Variants in ARL15 observed in about 807,000 individuals in gnomAD.
ARL15 encodes the protein ARF like GTPase 15, also known as ADP-ribosylation factor-like protein 15.
A neutral mutation model predicts 25.2 loss-of-function variants in ARL15; 19 were observed. That is an observed-to-expected ratio of 0.75 (90% CI 0.53 to 1.10). ARL15 has a LOEUF of 1.10. ARL15 is among the 50% of genes least tolerant of loss of function. The pLI is 0.00. For missense variants in ARL15, 220 were observed against 246.0 expected (o/e 0.89, Z 0.71); for synonymous variants, 94 against 86.8 (o/e 1.08, Z -0.46).
chr5:54,272,821 T>C (rs184557421), intron 1 of ARL15, among the ~76,000 whole-genome samples: 2 of 152,338 alleles, frequency 1.3e-5, no homozygotes, highest in East Asian at 3.9e-4. Context: ...AGAACTTATT[T>C]TCCACTTGTG....
intron 4 of ARL15, among the ~76,000 whole-genome samples, chr5:54,015,705 T>G (rs1201603004): frequency 1.3e-5 from 2 of 152,162 alleles, no homozygotes; most frequent in African/African-American, 4.8e-5. Context: ...TTAGAAAACA[T>G]AGCTTGAGGT....
chr5:53,984,631 T>C (rs189827171), intron 4 of ARL15, among the ~76,000 whole-genome samples: 83 of 152,302 alleles, frequency 5.4e-4, no homozygotes, highest in Non-Finnish European at 9.4e-4. Flanking sequence ...GGTCAATGTA[T>C]TACCTGGTAA....
intron 4 of ARL15, among the ~76,000 whole-genome samples, chr5:54,072,719 G>A (rs1040391856): frequency 2.6e-5 from 4 of 152,048 alleles, no homozygotes; most frequent in Non-Finnish European, 4.4e-5. Context: ...TACTGCATTA[G>A]GGAAAAAATG....
intron 4 of ARL15, among the ~76,000 whole-genome samples, chr5:53,932,620 T>C (rs189726627): frequency 4.1e-4 from 63 of 152,106 alleles, no homozygotes; most frequent in African/African-American, 1.4e-3. Context: ...TGATCAAGAG[T>C]ACTGGGTGAA....
intron 1 of ARL15, among the ~76,000 whole-genome samples, chr5:54,237,564 AT>A (rs34452299): frequency 0.094 from 14,340 of 152,244 alleles, 1,073 homozygotes; most frequent in African/African-American, 0.2. Flanking sequence ...AAGCAGTAGC[AT>A]TTTATGTAAA....
intron 4 of ARL15, among the ~76,000 whole-genome samples, chr5:54,066,454 C>T (rs1482341782): frequency 6.6e-6 from 1 of 152,146 alleles, no homozygotes; most frequent in African/African-American, 2.4e-5. Context: ...AATCAGAATA[C>T]AACACTATCC....
chr5:54,050,664 A>T (rs1222530285), intron 4 of ARL15, among the ~76,000 whole-genome samples: 1 of 152,180 alleles, frequency 6.6e-6, no homozygotes, highest in Non-Finnish European at 1.5e-5. Context: ...AGGCTTTATA[A>T]ACCAATATTT....
Position 53,885,217 on chromosome 5 carries a change from T to TA in ARL15, c.*1343_*1344insT, listed in dbSNP as rs1382359203. 6.6e-6 allele frequency: 1 copy of TA among 152,548 alleles called. No homozygotes were observed. The highest frequency in any genetic ancestry group is 2.4e-5 in the African/African-American group (1 of 41,426). 9.4% of individuals were successfully genotyped at this position (152,548 alleles called of 1,614,324 possible). A position where few individuals can be genotyped will look rare whatever the true frequency, so the allele number is the denominator to read the frequency against. ...TACACTCATGTGCAGGGAGCAGTTT[T>TA]TTTTATCATTTGGCCACTTAGTATT... On this transcript the variant is annotated 3_prime_UTR_variant, in exon 5 of 5. Coordinates refer to ENST00000504924, the MANE Select transcript of ARL15 (RefSeq NM_019087.3).
intron 4 of ARL15, among the ~76,000 whole-genome samples, chr5:54,008,209 A>C (rs774618083): frequency 6.6e-6 from 1 of 152,150 alleles, no homozygotes; most frequent in Non-Finnish European, 1.5e-5. Context: ...GAGTGAGGAG[A>C]GATGAGTAAC....
chr5:54,269,924 C>T (rs953202064), intron 1 of ARL15, among the ~76,000 whole-genome samples: 1 of 152,160 alleles, frequency 6.6e-6, no homozygotes, highest in African/African-American at 2.4e-5. Context: ...AGATTACAGG[C>T]GTGAGCCACC....
chr5:54,271,905 C>CATTTATTT (rs34653736), intron 1 of ARL15, among the ~76,000 whole-genome samples: 1,984 of 146,374 alleles, frequency 0.014, 40 homozygotes, highest in East Asian at 0.082. Context: ...CTGTGCTTAA[C>CATTTATTT]ATTTATTTAT....
At chr5:54,207,892 C>A (rs1755916292) in intron 1 of ARL15, among the ~76,000 whole-genome samples, 2 of 152,232 alleles carry the variant, frequency 1.3e-5, no homozygotes, top group Non-Finnish European at 2.9e-5. Flanking sequence ...GCAACTGGCT[C>A]TGCCACCCTG....
chr5:53,980,529 C>T (rs143016234), intron 4 of ARL15, among the ~76,000 whole-genome samples: 33 of 152,244 alleles, frequency 2.2e-4, no homozygotes, highest in Non-Finnish European at 3.2e-4. Context: ...AGACACTAAT[C>T]GTTAAATTAC....
intron 4 of ARL15, among the ~76,000 whole-genome samples, chr5:54,072,953 G>T (rs1235824951): frequency 6.6e-6 from 1 of 152,084 alleles, no homozygotes; most frequent in Non-Finnish European, 1.5e-5. Flanking sequence ...TGGCCCTCAG[G>T]GAATGTGGAT....
chr5:54,129,748 A>C (rs930439464), intron 3 of ARL15, among the ~76,000 whole-genome samples: 1 of 152,214 alleles, frequency 6.6e-6, no homozygotes, highest in Non-Finnish European at 1.5e-5. Flanking sequence ...ATCCTGTCTA[A>C]TCCAGCCTCA....
chr5:54,306,049 C>T (rs1758745680), intron 1 of ARL15, among the ~76,000 whole-genome samples: 1 of 152,166 alleles, frequency 6.6e-6, no homozygotes, highest in South Asian at 2.1e-4. Context: ...CCTTACTTAA[C>T]CTGTCCTGCC....
chr5:54,037,292 C>A (rs534562813), intron 4 of ARL15, among the ~76,000 whole-genome samples: 1 of 151,862 alleles, frequency 6.6e-6, no homozygotes, highest in South Asian at 2.1e-4. Flanking sequence ...TATTAAGTTT[C>A]CAGGAAATAT....
At chr5:54,075,073 G>GAAAAAAAAAAAAAAAAAAAAAAAA (rs3836818) in intron 4 of ARL15, among the ~76,000 whole-genome samples, 1 of 63,926 alleles carries the variant, frequency 1.6e-5, no homozygotes, top group Non-Finnish European at 2.8e-5. Flanking sequence ...CAGAATACAG[G>GAAAAAAAAAAAAAAAAAAAAAAAA]AAAAAAAAAA....
At chr5:54,239,236 T>G (rs1756890633) in intron 1 of ARL15, among the ~76,000 whole-genome samples, 1 of 152,112 alleles carries the variant, frequency 6.6e-6, no homozygotes, top group Admixed American at 6.5e-5. Context: ...ATGCCATTTT[T>G]TTTTTTTTTG....
Sources: allele counts gnomAD v4.1 joint callset (sites outside exome capture counted in the v4.1 genomes callset), GRCh38; gene constraint gnomAD v4.1.1; transcripts MANE v1.5; gene names NCBI Gene and HGNC (gene_info 2026-07-23, HGNC 2026-07-21).